CDYL: variants seen among roughly 807,000 people sequenced by gnomAD.
CDYL encodes the protein chromodomain Y like.
Under a neutral mutation model 47.3 loss-of-function variants are expected in CDYL, and 8 were observed. The observed-to-expected ratio is 0.17, with a 90% CI of 0.10 to 0.31. CDYL has a LOEUF of 0.31. Among genes scored for constraint, CDYL ranks in the 10% least tolerant of loss-of-function variants. CDYL has a pLI of 1.00. For missense variants in CDYL, 471 were observed against 701.4 expected, an observed-to-expected ratio of 0.67 and a Z score of 3.71; for synonymous variants, 266 against 265.0, an observed-to-expected ratio of 1.00 and a Z score of -0.04.
chr6:4,774,723 GT>G (rs1411012055), upstream of CDYL: 2 of 152,484 alleles, frequency 1.3e-5, no homozygotes, highest in African/African-American at 4.8e-5. Flanking sequence ...GAAGGTCATC[GT>G]TTGGAGTTGG....
In CDYL at chr6:4,724,356, CCT is replaced by C. The variant is rs777594573; in HGVS notation, c.103+8478_103+8479del. On this transcript the variant is annotated intron_variant, in intron 2 of 8. Transcript: ENST00000328908. Reference sequence around the variant, plus strand: ...GTGAGCCACCATGCCGAGCCTGTCCCCTCTTTATAATTCCAAAGGTGAGGGTG... The same window carrying C: ...GTGAGCCACCATGCCGAGCCTGTCCCCTTTATAATTCCAAAGGTGAGGGTG... 2.0e-5 allele frequency: 3 copies of C among 152,232 alleles called. No individual in the cohort carries two copies. In the South Asian group the frequency reaches 6.2e-4, roughly 32 times the overall value. 9.4% of individuals were successfully genotyped at this position (152,232 alleles called of 1,614,324 possible). A position where few individuals can be genotyped will look rare whatever the true frequency, so the allele number is the denominator to read the frequency against.
At chr6:4,867,772 G>T (rs1329421339) in intron 1 of CDYL, among the ~76,000 whole-genome samples, 1,376 of 132,052 alleles carry the variant, frequency 0.01, 17 homozygotes, top group African/African-American at 0.032. Context: ...TTGTTGTGGG[G>T]TTTTTTTTTT....
At chr6:4,819,023 G>A (rs1759748968) in intron 1 of CDYL, among the ~76,000 whole-genome samples, 1 of 152,090 alleles carries the variant, frequency 6.6e-6, no homozygotes, top group South Asian at 2.1e-4. Flanking sequence ...CCACAGAGGT[G>A]AGCACTGGGA....
chr6:4,724,025 C>T (rs12526301), intron 2 of CDYL, among the ~76,000 whole-genome samples: 29,070 of 152,116 alleles, frequency 0.19, 3,044 homozygotes, highest in Admixed American at 0.27. Context: ...TAGTTTGAGT[C>T]CTGCATCTGT....
chr6:4,730,289 C>T (rs1218576299), intron 2 of CDYL, among the ~76,000 whole-genome samples: 1 of 152,154 alleles, frequency 6.6e-6, no homozygotes, highest in African/African-American at 2.4e-5. Flanking sequence ...CCAGTACTGG[C>T]ACCAAATGTC....
rs74403736 is a variant in CDYL, at chr6:4,812,694, A to G, written c.24+35887A>G. On this transcript the variant is annotated intron_variant, in intron 1 of 6. Coordinates refer to ENST00000397588, the MANE Select transcript of CDYL (RefSeq NM_004824.4). Reference sequence around the variant, plus strand: ...ATAGGAAATTTAAAATCAGCCTGTCAAGTTCTGTGAAAAATTCTAGTAGGG... The same window carrying G: ...ATAGGAAATTTAAAATCAGCCTGTCGAGTTCTGTGAAAAATTCTAGTAGGG... Among the ~76,000 whole-genome samples, 1,158 of 152,230 alleles carry G rather than the reference A, an allele frequency of 7.6e-3. 19 individuals carry two copies. The highest frequency in any genetic ancestry group is 0.027 in the African/African-American group (1,110 of 41,526).
At chr6:4,713,302 T>C (rs1315173632) in intron 1 of CDYL, among the ~76,000 whole-genome samples, 1 of 152,074 alleles carries the variant, frequency 6.6e-6, no homozygotes, top group Non-Finnish European at 1.5e-5. Context: ...TTCCCAGTCA[T>C]GCTGTCAATA....
intron 2 of CDYL, among the ~76,000 whole-genome samples, chr6:4,723,502 A>G (rs1463525890): frequency 6.6e-6 from 1 of 152,158 alleles, no homozygotes; most frequent in African/African-American, 2.4e-5. Context: ...ACAGAGAAGC[A>G]TCCTGGGCTA....
At chr6:4,878,062 A>G (rs1480397697) in intron 1 of CDYL, among the ~76,000 whole-genome samples, 1 of 152,106 alleles carries the variant, frequency 6.6e-6, no homozygotes, top group East Asian at 1.9e-4. Context: ...ATGGTGGATT[A>G]TATTGATTTT....
At chr6:4,856,791 G>A (rs1761021810) in intron 1 of CDYL, among the ~76,000 whole-genome samples, 1 of 152,168 alleles carries the variant, frequency 6.6e-6, no homozygotes, top group South Asian at 2.1e-4. Context: ...AGAACTTTGT[G>A]AAGCCTTTTA....
At chr6:4,920,616 G>A (rs996148050) in intron 2 of CDYL, among the ~76,000 whole-genome samples, 4 of 152,244 alleles carry the variant, frequency 2.6e-5, no homozygotes, top group Middle Eastern at 3.4e-3. Flanking sequence ...AATCAAATTC[G>A]TTCAGTTTTA....
chr6:4,848,493 C>T (rs1047556913), intron 1 of CDYL, among the ~76,000 whole-genome samples: 1 of 152,172 alleles, frequency 6.6e-6, no homozygotes, highest in African/African-American at 2.4e-5. Flanking sequence ...TTGACAAATG[C>T]ATCAATGACC....
intron 4 of CDYL, among the ~76,000 whole-genome samples, chr6:4,938,106 C>G (rs180705341): frequency 1.7e-4 from 26 of 152,340 alleles, no homozygotes; most frequent in Admixed American, 1.5e-3. Flanking sequence ...TCCTCAACCC[C>G]TAGATAAAGA....
chr6:4,937,632 G>A lies in CDYL; in HGVS notation c.1016G>A (p.Ser339Asn). Reference sequence around the variant, plus strand: ...GATGACAGCAAGCTGGTACTGCTCAGCGCCGTTGGCAGCGTCTTCTGTTGT... The same window carrying A: ...GATGACAGCAAGCTGGTACTGCTCAACGCCGTTGGCAGCGTCTTCTGTTGT... The part of the protein sequence containing the change: ...AADDSKLVLL[S>N]AVGSVFCCGL... Residue 339 changes from serine to asparagine, a missense_variant, in exon 4 of 7, where the codon AGC (serine) becomes AAC (asparagine). By Grantham distance (46) the Ser-to-Asn change is conservative (BLOSUM62 1). Coordinates refer to ENST00000397588, the MANE Select transcript of CDYL (RefSeq NM_004824.4). 6.2e-7 allele frequency: 1 copy of A among 1,613,960 alleles called. No homozygotes were observed. Among genetic ancestry groups the A allele is most frequent in the Non-Finnish European group, 8.5e-7 (1 of 1,179,872 alleles).
At chr6:4,753,912 A>G (rs894503603) in intron 3 of CDYL, among the ~76,000 whole-genome samples, 4 of 152,140 alleles carry the variant, frequency 2.6e-5, no homozygotes, top group Admixed American at 2.0e-4. Context: ...CTCTGTAACA[A>G]TCTTGGTTTT....
intron 1 of CDYL, among the ~76,000 whole-genome samples, chr6:4,877,305 GT>G (rs1761646930): frequency 6.6e-6 from 1 of 151,986 alleles, no homozygotes. Flanking sequence ...CGTCAACATT[GT>G]TTTTGATGAG....
intron 2 of CDYL, among the ~76,000 whole-genome samples, chr6:4,731,883 A>G (rs1314547591): frequency 6.6e-6 from 1 of 152,086 alleles, no homozygotes; most frequent in Non-Finnish European, 1.5e-5. Context: ...TCAAGGGACT[A>G]GTAATCTGTG....
chr6:4,787,260 G>A (rs1234969757), intron 1 of CDYL, among the ~76,000 whole-genome samples: 4 of 149,060 alleles, frequency 2.7e-5, no homozygotes, highest in African/African-American at 7.4e-5. Context: ...GTTTGAGGGA[G>A]GTGCTAACTA....
intron 1 of CDYL, among the ~76,000 whole-genome samples, chr6:4,854,673 G>A (rs531405273): frequency 1.1e-4 from 17 of 152,288 alleles, no homozygotes; most frequent in African/African-American, 3.1e-4. Context: ...AGCATGTGCC[G>A]TTGAGGGCAC....
Sources: allele counts gnomAD v4.1 joint callset (sites outside exome capture counted in the v4.1 genomes callset), GRCh38; gene constraint gnomAD v4.1.1; transcripts MANE v1.5; gene names NCBI Gene and HGNC (gene_info 2026-07-23, HGNC 2026-07-21).